The following NABP2 variants were observed in gnomAD, a reference collection of about 807,000 sequenced individuals.
The protein encoded by NABP2 is SOSS complex subunit B1.
A neutral mutation model predicts 22.7 loss-of-function variants in NABP2; 7 were observed. That is an observed-to-expected ratio of 0.31 (90% confidence interval 0.18 to 0.58). The LOEUF (loss-of-function observed/expected upper bound fraction) is 0.58. Among genes scored for constraint, NABP2 ranks in the 20% least tolerant of loss-of-function variants. The pLI, the probability that NABP2 is intolerant of heterozygous loss-of-function variation, is 0.89. For missense variants in NABP2, 188 were observed against 265.9 expected, an observed-to-expected ratio of 0.71 and a Z score of 2.04; for synonymous variants, 107 against 99.2, an observed-to-expected ratio of 1.08 and a Z score of -0.47.
intron 6 of NABP2, among the ~76,000 whole-genome samples, chr12:56,228,386 CTTTT>C (rs776947930): frequency 3.6e-5 from 5 of 137,628 alleles, no homozygotes; most frequent in Admixed American, 1.5e-4. Flanking sequence ...GTGAAGGGGC[CTTTT>C]TTTTTTTTTT....
chr12:56,224,607 G>A (rs1247591958), intron 1 of NABP2, 166 bp downstream of exon 1: 17 of 1,227,662 alleles, frequency 1.4e-5, no homozygotes, highest in Admixed American at 3.1e-5. Flanking sequence ...GACTAAAAGA[G>A]CATCCCGGCA....
At chr12:56,223,127 T>C (rs1466371724), upstream of NABP2, among the ~76,000 whole-genome samples, 2 of 152,040 alleles carry the variant, frequency 1.3e-5, no homozygotes, top group Non-Finnish European at 2.9e-5. Context: ...TCCCAGCTAC[T>C]CGGGAGGCTG....
At position 56,229,430 on chromosome 12, in the gene NABP2, C is replaced by A; in HGVS notation, c.*217C>A. The A allele has an allele frequency of 3.4e-6, 2 of 580,206 alleles. No individual in the cohort carries two copies. Among genetic ancestry groups the A allele is most frequent in the South Asian group, 4.1e-5 (2 of 48,994 alleles). The allele number at this position is 580,206 out of a possible 1,614,324, so 35.9% of individuals were successfully genotyped here. ...TCAGGACCCTCTGCCTGCTCTCTTT[C>A]CTCTTTAGAAATGGCAGTTACTGGC... is the stretch of plus-strand genomic sequence containing the variant. On this transcript the variant is annotated 3_prime_UTR_variant, in exon 7 of 7. Coordinates refer to ENST00000267023, the MANE Select transcript of NABP2 (RefSeq NM_024068.4).
intron 6 of NABP2, among the ~76,000 whole-genome samples, chr12:56,228,630 C>A (rs1318342557): frequency 6.6e-6 from 1 of 152,054 alleles, no homozygotes; most frequent in Admixed American, 6.6e-5. Flanking sequence ...TCGTGATCCA[C>A]CCGCGTCAGC....
intron 6 of NABP2, 90 bp downstream of exon 6, chr12:56,226,509 A>T: frequency 8.5e-7 from 1 of 1,177,252 alleles, no homozygotes; most frequent in Non-Finnish European, 1.3e-6. Context: ...CCTTTTCCAA[A>T]TCTCTCTTTT....
intron 6 of NABP2, among the ~76,000 whole-genome samples, chr12:56,227,327 GATC>G (rs1303429758): frequency 3.4e-5 from 5 of 149,076 alleles, no homozygotes; most frequent in South Asian, 2.1e-4. Flanking sequence ...AGTGAGCTGA[GATC>G]ATGCCACTGC....
At chr12:56,224,189 A>C (rs1273724988), upstream of NABP2, 1 of 337,070 alleles carries the variant, frequency 3.0e-6, no homozygotes, top group Non-Finnish European at 4.2e-6. Flanking sequence ...ACTATCTCCA[A>C]GGTTCCTTTA....
intron 6 of NABP2, among the ~76,000 whole-genome samples, chr12:56,227,013 C>A (rs112668709): frequency 6.0e-5 from 9 of 150,464 alleles, no homozygotes; most frequent in South Asian, 2.1e-4. Context: ...CGTGAGCCAC[C>A]GCGCCCAGCC....
At chr12:56,222,205 T>G (rs12821012), upstream of NABP2, 1 of 152,248 alleles carries the variant, frequency 6.6e-6, no homozygotes, top group Admixed American at 6.5e-5. Context: ...TGCAGGTGAC[T>G]TGTGTCTTAG....
At chr12:56,227,373 CAA>C (rs35370619) in intron 6 of NABP2, among the ~76,000 whole-genome samples, 31 of 104,144 alleles carry the variant, frequency 3.0e-4, no homozygotes, top group Non-Finnish European at 2.5e-4. Flanking sequence ...GACTCTTTCT[CAA>C]AAAAAAAAAA....
intron 6 of NABP2, among the ~76,000 whole-genome samples, chr12:56,226,958 A>C (rs182955056): frequency 2.4e-3 from 365 of 151,184 alleles, no homozygotes; most frequent in Non-Finnish European, 4.1e-3. Context: ...TCCTGAGCTC[A>C]GGCGATCTAC....
chr12:56,229,087 T>TTGGGCC lies in NABP2; in HGVS notation c.510_511insTGGGCC (p.Thr170_Pro171insTrpAla). 2 of 1,512,338 alleles carry TTGGGCC rather than the reference T, an allele frequency of 1.3e-6. No individual in the cohort carries two copies. Among genetic ancestry groups the TTGGGCC allele is most frequent in the East Asian group, 2.3e-5 (1 of 43,520 alleles). 93.7% of individuals were successfully genotyped at this position (1,512,338 alleles called of 1,614,324 possible). On this transcript the variant is annotated inframe_insertion, in exon 7 of 7. Coordinates refer to ENST00000267023, the MANE Select transcript of NABP2 (RefSeq NM_024068.4). ...GTGGTGGCCCACATCCCCCTCATACTCCCTCCCACCCACCCAGCACCCGAA... is the reference window on the plus strand; with the variant it reads ...GTGGTGGCCCACATCCCCCTCATACTTGGGCCCCCTCCCACCCACCCAGCACCCGAA...
intron 1 of NABP2, 123 bp downstream of exon 1, chr12:56,224,564 T>G: frequency 2.5e-6 from 3 of 1,220,114 alleles, no homozygotes; most frequent in Non-Finnish European, 3.1e-6. Flanking sequence ...TCCCTACCCC[T>G]GTCTACGTCG....
chr12:56,222,979 T>C (rs2135825566), upstream of NABP2, among the ~76,000 whole-genome samples: 1 of 152,270 alleles, frequency 6.6e-6, no homozygotes, highest in Non-Finnish European at 1.5e-5. Flanking sequence ...TTCATGCCTT[T>C]AATCCCAACA....
Position 56,229,087 on chromosome 12 carries a change from T to TTGCCCGC in NABP2, c.510_511insTGCCCGC (p.Pro171CysfsTer32). The TTGCCCGC allele has an allele frequency of 3.3e-6, 5 of 1,512,344 alleles. No individual in the cohort carries two copies. The highest frequency in any genetic ancestry group is 1.2e-5 in the South Asian group (1 of 84,152). 93.7% of individuals were successfully genotyped at this position (1,512,344 alleles called of 1,614,324 possible). On this transcript the variant is annotated frameshift_variant, in exon 7 of 7. Coordinates refer to ENST00000267023, the MANE Select transcript of NABP2 (RefSeq NM_024068.4). LOFTEE classifies it high-confidence loss of function. ...GTGGTGGCCCACATCCCCCTCATAC[T>TTGCCCGC]CCCTCCCACCCACCCAGCACCCGAA...
chr12:56,227,387 AAAG>A lies in NABP2; in HGVS notation c.436+971_436+973del, dbSNP rs1313555385. The stretch of plus-strand genomic sequence containing the variant: ...AGACTCTTTCTCAAAAAAAAAAAAA[AAAG>A]AACCACTAGGCTATAACTTCCATGC... On this transcript the variant is annotated intron_variant, in intron 6 of 6. Transcript: ENST00000267023. 7.2e-5 allele frequency among the ~76,000 whole-genome samples: 11 copies of A among 152,066 alleles called. 1 individual carries two copies. The South Asian group carries it at 2.3e-3, about 32-fold the overall frequency.
In NABP2 at chr12:56,228,974, T is replaced by A; in HGVS notation, c.437-40T>A. Reference sequence around the variant, plus strand: ...GGCCTTGGGATGGACCCCTCTCCTATGTTAACTAATTCCTTTGTTTCTTCT... The same window carrying A: ...GGCCTTGGGATGGACCCCTCTCCTAAGTTAACTAATTCCTTTGTTTCTTCT... On this transcript the variant is annotated intron_variant, in intron 6 of 6. Coordinates refer to ENST00000267023, the MANE Select transcript of NABP2 (RefSeq NM_024068.4). 4 of 1,570,460 alleles carry A rather than the reference T, an allele frequency of 2.5e-6. No individual in the cohort carries two copies. The South Asian group carries it at 4.6e-5, about 18-fold the overall frequency.
intron 1 of NABP2, 116 bp from the exon 2 acceptor site, chr12:56,224,718 G>T (rs1869678042): frequency 2.0e-6 from 2 of 1,022,938 alleles, no homozygotes; most frequent in African/African-American, 3.1e-5. Context: ...TTTTAGAAGG[G>T]TTAGAGGGGT....
intron 6 of NABP2, among the ~76,000 whole-genome samples, 168 bp downstream of exon 6, chr12:56,226,587 C>T (rs867179313): frequency 2.5e-5 from 2 of 79,308 alleles, no homozygotes; most frequent in African/African-American, 4.6e-5. Flanking sequence ...TTTTTTGAGA[C>T]GAAGTCTCGC....
Sources: allele counts gnomAD v4.1 joint callset (sites outside exome capture counted in the v4.1 genomes callset), GRCh38; gene constraint gnomAD v4.1.1; transcripts MANE v1.5; gene names NCBI Gene and HGNC (gene_info 2026-07-23, HGNC 2026-07-21).